Variants in TRPC1 observed in about 807,000 individuals in gnomAD.
TRPC1 encodes the protein transient receptor potential cation channel subfamily C member 1, also known as short transient receptor potential channel 1.
TRPC1 carries 42 observed loss-of-function variants against 88.2 expected under a neutral mutation model. That is an observed-to-expected ratio of 0.48 (90% CI 0.37 to 0.62). TRPC1 has a LOEUF of 0.62. Ranked by LOEUF, TRPC1 falls within the 20% of genes least tolerant of loss-of-function variation. The pLI is 0.00. For synonymous variants in TRPC1, 288 were observed against 331.8 expected, an observed-to-expected ratio of 0.87 and a Z score of 1.43; for missense variants, 699 against 957.3, an observed-to-expected ratio of 0.73 and a Z score of 3.56.
chr3:142,784,955 C>G lies in TRPC1; in HGVS notation c.1212C>G (p.Tyr404Ter). The change falls in exon 7 of 13, where the codon TAC becomes TAG. Residue 404 changes from tyrosine to a stop codon, truncating the protein, a stop_gained. Transcript: ENST00000476941. LOFTEE classifies it high-confidence loss of function. ...YFTFLLLLNL[Y>*]SLVYNEDKKN... ...CATTTCTGCTGTTGCTTAATCTATACTCTCTTGTCTACAATGAGGATAAGA... is the reference window on the plus strand; with the variant it reads ...CATTTCTGCTGTTGCTTAATCTATAGTCTCTTGTCTACAATGAGGATAAGA... The G allele has an allele frequency of 6.2e-7, 1 of 1,613,924 alleles. No individual in the cohort carries two copies. The highest frequency in any genetic ancestry group is 8.5e-7 in the Non-Finnish European group (1 of 1,179,964).
At chr3:142,787,254 T>C (rs1047093430) in intron 7 of TRPC1, among the ~76,000 whole-genome samples, 4 of 152,222 alleles carry the variant, frequency 2.6e-5, no homozygotes, top group Non-Finnish European at 5.9e-5. Context: ...AAGCCTTTTA[T>C]GTAATTAGGT....
Position 142,792,116 on chromosome 3 carries a change from G to A in TRPC1, c.1438-708G>A, listed in dbSNP as rs796272252. On this transcript the variant is annotated intron_variant, in intron 8 of 12. Coordinates refer to ENST00000476941, the MANE Select transcript of TRPC1 (RefSeq NM_001251845.2). This position sits in a 1 kb window ranked among gnomAD's most constrained non-coding sequence, Gnocchi z 4.0. ...CAGTAGTATGGAATATGTTAGGTAC[G>A]TTCAGTGTCTAGAGTGTGAAATTAC... 3.3e-5 allele frequency among the ~76,000 whole-genome samples: 5 copies of A among 152,042 alleles called. No homozygotes were observed. The highest frequency in any genetic ancestry group is 7.2e-5 in the African/African-American group (3 of 41,508).
At chr3:142,786,446 T>C (rs552855606) in intron 7 of TRPC1, among the ~76,000 whole-genome samples, 2 of 152,314 alleles carry the variant, frequency 1.3e-5, no homozygotes, top group African/African-American at 4.8e-5. Context: ...ATTTAATCTA[T>C]GATGCATTAA....
intron 10 of TRPC1, among the ~76,000 whole-genome samples, chr3:142,802,824 C>A (rs1936664567): frequency 1.3e-5 from 2 of 152,144 alleles, no homozygotes; most frequent in South Asian, 2.1e-4. Context: ...TTTGAATAAC[C>A]TGTTTTGAGG....
chr3:142,791,959 C>A (rs1357397025), intron 8 of TRPC1, among the ~76,000 whole-genome samples: 2 of 151,926 alleles, frequency 1.3e-5, no homozygotes, highest in Non-Finnish European at 2.9e-5. Flanking sequence ...GTTTAGAATT[C>A]TTCTGGGGTG....
At position 142,736,386 on chromosome 3, in the gene TRPC1, T is replaced by C; in HGVS notation, c.180T>C (p.Tyr60=). ...TTGTATATTGTTATTTAGGTGACTA[T>C]TATATGGTTAAAAAGATTTTGGAGG... is the stretch of plus-strand genomic sequence containing the variant. ...LFLLACDKGD[Y]YMVKKILEEN... Residue 60 remains tyrosine (Y), a synonymous_variant, in exon 2 of 13, where the codon TAT becomes TAC. Coordinates refer to ENST00000476941, the MANE Select transcript of TRPC1 (RefSeq NM_001251845.2). 3 of 1,603,192 alleles carry C rather than the reference T, an allele frequency of 1.9e-6. No homozygotes were observed. Among genetic ancestry groups the C allele is most frequent in the Non-Finnish European group, 2.6e-6 (3 of 1,175,538 alleles).
intron 9 of TRPC1, among the ~76,000 whole-genome samples, chr3:142,793,409 C>T (rs1041986465): frequency 1.6e-4 from 25 of 151,908 alleles, no homozygotes; most frequent in Admixed American, 1.1e-3. Flanking sequence ...CTTACACTTT[C>T]GTTTAATAAA....
chr3:142,724,853 C>A lies in TRPC1; in HGVS notation c.172+122C>A. 1 of 1,176,586 alleles carries A rather than the reference C, an allele frequency of 8.5e-7. No individual in the cohort carries two copies. 72.9% of individuals were successfully genotyped at this position (1,176,586 alleles called of 1,614,324 possible). A position where few individuals can be genotyped will look rare whatever the true frequency, so the allele number is the denominator to read the frequency against. On this transcript the variant is annotated intron_variant, in intron 1 of 12. Transcript: ENST00000476941. This position sits in a 1 kb window ranked among gnomAD's most constrained non-coding sequence, Gnocchi z 5.6. ...TCAGGCGCCGAGTGTCTTCCCGCCT[C>A]GCCTGCTGCCTCAGGCGGTCTTCTC...
rs1003224139 is a variant in TRPC1 at position 142,767,538 on chromosome 3, CTTTATT to C, written c.633-10089_633-10084del. ...AATTCTGTTGTGGTTAGAGATTATA[CTTTATT>C]TTTAATGATATCTTTGTTAAGATAT... On this transcript the variant is annotated intron_variant, in intron 4 of 12. Coordinates refer to ENST00000476941, the MANE Select transcript of TRPC1 (RefSeq NM_001251845.2). The surrounding 1 kb of genome is among the most constrained non-coding windows in gnomAD (Gnocchi z 5.1). Among the ~76,000 whole-genome samples, 1 of 148,800 alleles carries C rather than the reference CTTTATT, an allele frequency of 6.7e-6. No homozygotes were observed. The highest frequency in any genetic ancestry group is 1.5e-5 in the Non-Finnish European group (1 of 67,268).
chr3:142,807,719 A>G lies in TRPC1; in HGVS notation c.*1484A>G, dbSNP rs963830858. 2.0e-5 allele frequency: 3 copies of G among 152,216 alleles called. No homozygotes were observed. The highest frequency in any genetic ancestry group is 7.2e-5 in the African/African-American group (3 of 41,462). 9.4% of individuals were successfully genotyped at this position (152,216 alleles called of 1,614,324 possible). Reference sequence around the variant, plus strand: ...CTACGATGGGATTATGCACTTCCCAATTGGGATTTTACATCTGGATTTTTA... The same window carrying G: ...CTACGATGGGATTATGCACTTCCCAGTTGGGATTTTACATCTGGATTTTTA... On this transcript the variant is annotated 3_prime_UTR_variant, in exon 13 of 13. Coordinates refer to ENST00000476941, the MANE Select transcript of TRPC1 (RefSeq NM_001251845.2).
intron 4 of TRPC1, among the ~76,000 whole-genome samples, chr3:142,763,981 T>TATATATAC (rs1162744315): frequency 6.4e-5 from 4 of 62,668 alleles, no homozygotes; most frequent in Admixed American, 2.4e-4. Flanking sequence ...TATATATATA[T>TATATATAC]ATACACATAC....
At chr3:142,732,698 T>C (rs569261462) in intron 1 of TRPC1, among the ~76,000 whole-genome samples, 3 of 152,176 alleles carry the variant, frequency 2.0e-5, no homozygotes, top group South Asian at 2.1e-4. Context: ...TGGTTTCTTT[T>C]TCCTTGACTG....
intron 4 of TRPC1, among the ~76,000 whole-genome samples, chr3:142,775,822 T>G (rs1228688511): frequency 6.6e-6 from 1 of 152,218 alleles, no homozygotes; most frequent in Non-Finnish European, 1.5e-5. Context: ...AAATTCATTT[T>G]AAACCACCTA....
intron 4 of TRPC1, among the ~76,000 whole-genome samples, chr3:142,758,696 A>G (rs1374718323): frequency 6.7e-6 from 1 of 149,656 alleles, no homozygotes; most frequent in East Asian, 2.0e-4. Context: ...TTTCAATTAT[A>G]CTTTAAGTTC....
intron 1 of TRPC1, among the ~76,000 whole-genome samples, chr3:142,731,713 A>T (rs1282000450): frequency 1.3e-5 from 2 of 151,996 alleles, no homozygotes; most frequent in Non-Finnish European, 2.9e-5. Context: ...CGATAACTCT[A>T]GCTGTGGAGT....
intron 1 of TRPC1, among the ~76,000 whole-genome samples, chr3:142,727,060 G>C (rs1230559211): frequency 2.6e-5 from 4 of 152,204 alleles, no homozygotes. Context: ...TATAGATCTG[G>C]TTGTAGGTGA....
At chr3:142,745,995 G>GA (rs1240438983) in intron 3 of TRPC1, among the ~76,000 whole-genome samples, 2 of 152,184 alleles carry the variant, frequency 1.3e-5, no homozygotes, top group Admixed American at 6.5e-5. Context: ...GACCTAAGGT[G>GA]ATCTACCCTT....
intron 2 of TRPC1, among the ~76,000 whole-genome samples, chr3:142,741,221 C>A (rs982119423): frequency 3.2e-5 from 4 of 126,558 alleles, no homozygotes; most frequent in African/African-American, 1.2e-4. Context: ...ACATTTATTT[C>A]TCTCATAACT....
intron 4 of TRPC1, among the ~76,000 whole-genome samples, chr3:142,761,507 T>C (rs753165215): frequency 3.3e-5 from 5 of 152,236 alleles, no homozygotes; most frequent in Admixed American, 2.0e-4. Flanking sequence ...TATATCAATA[T>C]ATCAAAGTGT....
Sources: allele counts gnomAD v4.1 joint callset (sites outside exome capture counted in the v4.1 genomes callset), GRCh38; gene constraint gnomAD v4.1.1; non-coding constraint Gnocchi (gnomAD v3.1); transcripts MANE v1.5; gene names NCBI Gene and HGNC (gene_info 2026-07-23, HGNC 2026-07-21).